Variants in LRMDA observed in about 807,000 individuals in gnomAD.
The protein encoded by LRMDA is leucine-rich melanocyte differentiation-associated protein.
Under a neutral mutation model 29.8 loss-of-function variants are expected in LRMDA, and 18 were observed. The ratio of observed to expected loss-of-function variants is 0.60; its 90% CI spans 0.42 to 0.90. The LOEUF (loss-of-function observed/expected upper bound fraction) is 0.90. Ranked by LOEUF, LRMDA falls within the 40% of genes least tolerant of loss-of-function variation. The probability of loss-of-function intolerance (pLI) is 0.00; values close to 1 mark genes in which losing one functional copy is unlikely to be tolerated. For synonymous variants in LRMDA, 125 were observed against 109.4 expected (o/e 1.14, Z -0.89); for missense variants, 273 against 273.9 (o/e 1.00, Z 0.02).
At chr10:76,058,927 C>A in intron 5 of LRMDA, 144 bp downstream of exon 5, 1 of 678,902 alleles carries the variant, frequency 1.5e-6, no homozygotes, top group Non-Finnish European at 2.6e-6. Context: ...ACATTGTTGG[C>A]CAAACATGAA....
intron 5 of LRMDA, among the ~76,000 whole-genome samples, chr10:76,282,434 C>T (rs997371165): frequency 1.3e-5 from 2 of 152,120 alleles, no homozygotes; most frequent in African/African-American, 4.8e-5. Context: ...CTGCGTCGAC[C>T]CCAGTGTTTG....
At chr10:75,732,719 C>A (rs1229720341) in intron 2 of LRMDA, among the ~76,000 whole-genome samples, 1 of 152,182 alleles carries the variant, frequency 6.6e-6, no homozygotes, top group African/African-American at 2.4e-5. Flanking sequence ...GAACAGCCAT[C>A]CCTCTGGACT....
chr10:75,800,811 C>G (rs1387062004), intron 2 of LRMDA, among the ~76,000 whole-genome samples: 1 of 152,118 alleles, frequency 6.6e-6, no homozygotes. Flanking sequence ...GTAGCATTTT[C>G]CATTGCGTTA....
At chr10:76,365,071 T>TATACACACACACAC (rs1256120614) in intron 6 of LRMDA, among the ~76,000 whole-genome samples, 2 of 91,512 alleles carry the variant, frequency 2.2e-5, no homozygotes, top group African/African-American at 8.6e-5. Flanking sequence ...CGTATATATA[T>TATACACACACACAC]ACACACACAC....
rs376052249 is a variant in LRMDA, at chr10:76,151,421, ATC to A, written c.516+92640_516+92641del. 3.5e-3 allele frequency among the ~76,000 whole-genome samples: 526 copies of A among 152,150 alleles called. 3 individuals carry two copies. Among genetic ancestry groups the A allele is most frequent in the African/African-American group, 0.012 (513 of 41,498 alleles). Reference sequence around the variant, plus strand: ...CCAGTTTTTTTTTCCCCTCCAAGGCATCTGTCGCTATTTGAAATAATCGTATT... The same window carrying A: ...CCAGTTTTTTTTTCCCCTCCAAGGCATGTCGCTATTTGAAATAATCGTATT... On this transcript the variant is annotated intron_variant, in intron 5 of 6. Transcript: ENST00000611255.
intron 5 of LRMDA, among the ~76,000 whole-genome samples, chr10:76,131,029 T>A (rs1351331714): frequency 2.0e-5 from 3 of 152,272 alleles, no homozygotes; most frequent in African/African-American, 7.2e-5. Flanking sequence ...GATTATGTAT[T>A]TTTTCATTCC....
chr10:76,380,638 C>T (rs1299884421), intron 6 of LRMDA, among the ~76,000 whole-genome samples: 1 of 145,006 alleles, frequency 6.9e-6, no homozygotes, highest in Non-Finnish European at 1.5e-5. Context: ...CACTGCACTC[C>T]AGCCTGGGCG....
intron 5 of LRMDA, among the ~76,000 whole-genome samples, chr10:76,256,385 CT>C (rs1852593751): frequency 6.6e-6 from 1 of 152,132 alleles, no homozygotes; most frequent in Non-Finnish European, 1.5e-5. Flanking sequence ...TCATTAAACA[CT>C]CTGTTGTGCT....
chr10:76,180,252 G>A (rs912197276), intron 5 of LRMDA, among the ~76,000 whole-genome samples: 5 of 146,696 alleles, frequency 3.4e-5, no homozygotes, highest in Admixed American at 2.0e-4. Context: ...CTCAGAAAAA[G>A]CCATGGCCAC....
chr10:75,708,113 G>T (rs969513366), intron 2 of LRMDA, among the ~76,000 whole-genome samples: 1 of 152,096 alleles, frequency 6.6e-6, no homozygotes, highest in Admixed American at 6.5e-5. Flanking sequence ...GCAAAGGGCC[G>T]CTCTGACAGG....
At chr10:76,039,323 G>A (rs535001070) in intron 3 of LRMDA, among the ~76,000 whole-genome samples, 3 of 152,220 alleles carry the variant, frequency 2.0e-5, no homozygotes, top group African/African-American at 7.2e-5. Flanking sequence ...AGTAACTATT[G>A]GCCTCCTAAA....
In LRMDA at chr10:75,571,229, G is replaced by A. The variant is rs117623935; in HGVS notation, c.131+132735G>A. Among the ~76,000 whole-genome samples, 658 of 152,304 alleles carry A rather than the reference G, an allele frequency of 4.3e-3. 4 individuals carry two copies. Among genetic ancestry groups the A allele is most frequent in the Admixed American group, 9.5e-3 (146 of 15,304 alleles). ...GAGATATAGGTCAATTAACATGTGT[G>A]TGGCTCATAAGCACATGCTATGGGC... is the stretch of plus-strand genomic sequence containing the variant. On this transcript the variant is annotated intron_variant, in intron 2 of 6. Transcript: ENST00000611255.
intron 2 of LRMDA, among the ~76,000 whole-genome samples, chr10:75,464,783 C>T (rs186492143): frequency 5.9e-5 from 9 of 152,298 alleles, no homozygotes; most frequent in Non-Finnish European, 1.3e-4. Flanking sequence ...AAATTATCAT[C>T]AGAGGATCAA....
At chr10:76,051,391 C>T (rs1848529530) in intron 4 of LRMDA, among the ~76,000 whole-genome samples, 1 of 152,202 alleles carries the variant, frequency 6.6e-6, no homozygotes, top group African/African-American at 2.4e-5. Context: ...TGCCGGTGAA[C>T]TGTGAGGAAA....
chr10:76,153,719 A>C (rs1589353648), intron 5 of LRMDA, among the ~76,000 whole-genome samples: 1 of 152,216 alleles, frequency 6.6e-6, no homozygotes, highest in South Asian at 2.1e-4. Flanking sequence ...CTTCACTGGA[A>C]TGTGAGAACC....
At chr10:76,508,613 C>T in intron 6 of LRMDA, among the ~76,000 whole-genome samples, 1 of 151,612 alleles carries the variant, frequency 6.6e-6, no homozygotes, top group Non-Finnish European at 1.5e-5. Flanking sequence ...TTTACATGCC[C>T]TTGTTATTTA....
At chr10:76,237,520 G>GAT (rs1263844633) in intron 5 of LRMDA, among the ~76,000 whole-genome samples, 4 of 152,150 alleles carry the variant, frequency 2.6e-5, no homozygotes, top group South Asian at 2.1e-4. Flanking sequence ...ACTGTATGTT[G>GAT]ATCTTTTCCC....
intron 5 of LRMDA, among the ~76,000 whole-genome samples, chr10:76,174,441 C>T (rs1395432145): frequency 2.0e-5 from 3 of 151,882 alleles, no homozygotes; most frequent in African/African-American, 7.3e-5. Flanking sequence ...TGTATCATGA[C>T]CAAGTTGGGT....
At chr10:76,301,920 C>T (rs1274564796) in intron 5 of LRMDA, among the ~76,000 whole-genome samples, 14 of 152,130 alleles carry the variant, frequency 9.2e-5, no homozygotes, top group Admixed American at 9.2e-4. Flanking sequence ...GTGGAGATCA[C>T]AGTAGTTTTA....
Sources: allele counts gnomAD v4.1 joint callset (sites outside exome capture counted in the v4.1 genomes callset), GRCh38; gene constraint gnomAD v4.1.1; transcripts MANE v1.5; gene names NCBI Gene and HGNC (gene_info 2026-07-23, HGNC 2026-07-21).